CCDC180: variants seen among roughly 807,000 people sequenced by gnomAD.
CCDC180 encodes the protein coiled-coil domain containing 180, also known as coiled-coil domain-containing protein 180.
In CCDC180, 154 loss-of-function variants were observed where a neutral mutation model predicts 209.2. That is an observed-to-expected ratio of 0.74 (90% CI 0.65 to 0.84). The LOEUF (loss-of-function observed/expected upper bound fraction) is 0.84, where lower values mean the gene tolerates loss of function less well. CCDC180 is among the 40% of genes least tolerant of loss of function. The probability of loss-of-function intolerance (pLI) is 0.00; values close to 1 mark genes in which losing one functional copy is unlikely to be tolerated. For missense variants in CCDC180, 1,874 were observed against 1,997.3 expected, an observed-to-expected ratio of 0.94 and a Z score of 1.18; for synonymous variants, 778 against 749.1, an observed-to-expected ratio of 1.04 and a Z score of -0.63.
intron 18 of CCDC180, among the ~76,000 whole-genome samples, chr9:97,336,224 T>G (rs1349818937): frequency 6.6e-6 from 1 of 152,248 alleles, no homozygotes; most frequent in African/African-American, 2.4e-5. Flanking sequence ...GTTTTAGTCA[T>G]GAAGTCCTTG....
Position 97,349,126 on chromosome 9 carries a change from A to T in CCDC180, c.2690A>T (p.His897Leu), listed in dbSNP as rs1201110882. The part of the protein sequence containing the change: ...HNVRAAELLL[H>L]QEQLDSHCAG... ...CCTTTTTCAGCCGAGCTTTTGCTTC[A>T]TCAAGAGCAGTTGGACAGCCACTGT... The change falls in exon 21 of 37, where the codon CAT becomes CTT. Residue 897 changes from histidine (H) to leucine (L), a missense_variant. His to Leu is a moderately conservative substitution (Grantham distance 99). Coordinates refer to ENST00000529487, the MANE Select transcript of CCDC180 (RefSeq NM_020893.6). 1 of 1,535,998 alleles carries T rather than the reference A, an allele frequency of 6.5e-7. No homozygotes were observed. The highest frequency in any genetic ancestry group is 1.2e-5 in the South Asian group (1 of 84,024).
intron 34 of CCDC180, 189 bp from the exon 35 acceptor site, chr9:97,374,347 ACCCCCTG>A: frequency 1.8e-6 from 1 of 567,054 alleles, no homozygotes; most frequent in Non-Finnish European, 3.1e-6. Flanking sequence ...TCCATCCATG[ACCCCCTG>A]CCCCTGTCAC....
At chr9:97,311,990 G>A in intron 3 of CCDC180, 123 bp from the exon 4 acceptor site, 2 of 793,284 alleles carry the variant, frequency 2.5e-6, no homozygotes, top group East Asian at 5.1e-5. Flanking sequence ...ATTGGGGTGT[G>A]CCTGGTCCAT....
intron 2 of CCDC180, among the ~76,000 whole-genome samples, chr9:97,308,651 G>A (rs1181743448): frequency 3.3e-5 from 5 of 152,186 alleles, no homozygotes; most frequent in African/African-American, 1.2e-4. Flanking sequence ...TCTCTCTAAA[G>A]CACTGTATAG....
rs775330253 is a variant in CCDC180 at position 97,366,657 on chromosome 9, G to A, written c.4146G>A (p.Glu1382=). ...CAENISKKIL[E]YQSQANKYHN... The stretch of plus-strand genomic sequence containing the variant: ...AGAACATTAGCAAAAAGATCCTGGA[G>A]TATCAGAGCCAGGCAAATAAGTACC... Residue 1382 remains glutamate (E), a synonymous_variant, in exon 31 of 37, where the codon GAG becomes GAA. Transcript: ENST00000529487. The surrounding 1 kb of genome is among the most constrained non-coding windows in gnomAD (Gnocchi z 4.3). 5 of 1,614,208 alleles carry A rather than the reference G, an allele frequency of 3.1e-6. No homozygotes were observed. In the African/African-American group the frequency reaches 4.0e-5, roughly 13 times the overall value.
At chr9:97,326,153 C>T (rs1225582559) in intron 14 of CCDC180, among the ~76,000 whole-genome samples, 3 of 152,232 alleles carry the variant, frequency 2.0e-5, no homozygotes, top group Non-Finnish European at 4.4e-5. Context: ...CAGCTGGCCC[C>T]TGCCTTGCCT....
intron 19 of CCDC180, 98 bp from the exon 20 acceptor site, chr9:97,347,216 A>T (rs943628374): frequency 5.2e-6 from 6 of 1,162,094 alleles, no homozygotes; most frequent in Non-Finnish European, 7.1e-6. Context: ...GAAATGAAGA[A>T]TGAGTGAAAG....
chr9:97,342,585 A>G (rs1009930010), intron 18 of CCDC180, among the ~76,000 whole-genome samples: 3 of 152,152 alleles, frequency 2.0e-5, no homozygotes, highest in Admixed American at 1.3e-4. Flanking sequence ...AGCCACAGCA[A>G]TGCTTTCTAA....
At chr9:97,343,625 A>G in intron 19 of CCDC180, 62 bp downstream of exon 19, 1 of 1,189,836 alleles carries the variant, frequency 8.4e-7, no homozygotes, top group Non-Finnish European at 1.2e-6. Flanking sequence ...AAGGTGAAAT[A>G]TTAAAAAAAA....
At chr9:97,340,296 TTTTTATC>T (rs1275832775) in intron 18 of CCDC180, among the ~76,000 whole-genome samples, 10 of 152,184 alleles carry the variant, frequency 6.6e-5, no homozygotes, top group Admixed American at 2.0e-4. Context: ...ATCTTTGTGG[TTTTTATC>T]TACCTTTGGT....
intron 13 of CCDC180, among the ~76,000 whole-genome samples, chr9:97,324,204 G>GA (rs2118629127): frequency 6.6e-6 from 1 of 152,282 alleles, no homozygotes; most frequent in South Asian, 2.1e-4. Flanking sequence ...CCCAGCCCAA[G>GA]ACACGTGTTA....
chr9:97,370,837 G>A, intron 33 of CCDC180, 59 bp downstream of exon 33: 1 of 1,565,914 alleles, frequency 6.4e-7, no homozygotes, highest in Non-Finnish European at 8.7e-7. Context: ...CCGATGGACA[G>A]CCACTGACAG....
chr9:97,366,397 G>A lies in CCDC180; in HGVS notation c.4048-162G>A, dbSNP rs1826920544. Among the ~76,000 whole-genome samples the A allele has an allele frequency of 6.6e-6, 1 of 152,178 alleles. No homozygotes were observed. The highest frequency in any genetic ancestry group is 2.4e-5 in the African/African-American group (1 of 41,432). ...CCAGGTGGGCCCAGGGAGGCGACAC[G>A]GGCAGACAGGGAAGGAGGAGTGTCT... On this transcript the variant is annotated intron_variant, in intron 30 of 36. Transcript: ENST00000529487. This position sits in a 1 kb window ranked among gnomAD's most constrained non-coding sequence, Gnocchi z 4.3.
chr9:97,317,176 T>A lies in CCDC180; in HGVS notation c.907T>A (p.Leu303Met), dbSNP rs1412819510. 2 of 1,612,622 alleles carry A rather than the reference T, an allele frequency of 1.2e-6. No homozygotes were observed. Among genetic ancestry groups the A allele is most frequent in the Non-Finnish European group, 1.7e-6 (2 of 1,179,242 alleles). The change falls in exon 9 of 37, where the codon TTG becomes ATG. Residue 303 changes from leucine (L) to methionine (M), a missense_variant. Transcript: ENST00000529487. ...GGACAGCCGCCACCGCTGGCAAGGC[T>A]TGGTGGACACCTGGAAGGCTCTCAA... ...ELDSRHRWQG[L>M]VDTWKALKKE...
chr9:97,310,432 A>G (rs1440015672), intron 3 of CCDC180, among the ~76,000 whole-genome samples: 1 of 152,106 alleles, frequency 6.6e-6, no homozygotes, highest in African/African-American at 2.4e-5. Context: ...TCAGGCATGG[A>G]GATCAGGAGT....
intron 28 of CCDC180, among the ~76,000 whole-genome samples, chr9:97,362,775 A>T (rs566634864): frequency 2.0e-5 from 3 of 152,184 alleles, no homozygotes; most frequent in Non-Finnish European, 4.4e-5. Context: ...TTAGACTCAA[A>T]GTTTACCCCA....
chr9:97,336,901 A>C (rs979761334), intron 18 of CCDC180, among the ~76,000 whole-genome samples: 1 of 152,010 alleles, frequency 6.6e-6, no homozygotes, highest in Admixed American at 6.5e-5. Context: ...TTGGATTCCT[A>C]GGTATTTTAT....
rs1399719236 is a variant in CCDC180 at position 97,364,036 on chromosome 9, A to AAG, written c.3903-15_3903-14insAG. The AAG allele has an allele frequency of 6.2e-7, 1 of 1,613,250 alleles. No homozygotes were observed. Among genetic ancestry groups the AAG allele is most frequent in the East Asian group, 2.2e-5 (1 of 44,822 alleles). ...TCCACAGCCTCCAGACCACCCACCC[A>AAG]CCTTTGTCCCACAGCTTCACACCGC... On this transcript the variant is annotated splice_polypyrimidine_tract_variant and intron_variant, in intron 28 of 36. Transcript: ENST00000529487.
At chr9:97,360,143 G>A (rs1222771634) in intron 26 of CCDC180, 42 bp downstream of exon 26, 1 of 1,603,044 alleles carries the variant, frequency 6.2e-7, no homozygotes, top group East Asian at 2.2e-5. Flanking sequence ...TGGGTGAGCT[G>A]TTGTCTGGGC....
Sources: gnomAD v4.1 joint callset for allele counts (sites outside exome capture counted in the v4.1 genomes callset) on GRCh38, gnomAD v4.1.1 for gene constraint, Gnocchi (gnomAD v3.1) non-coding constraint, MANE v1.5 for transcripts, NCBI Gene and HGNC (gene_info 2026-07-23, HGNC 2026-07-21) for gene names.